The following RAB14 variants were observed in gnomAD, a reference collection of about 807,000 sequenced individuals.
RAB14 encodes the protein ras-related protein Rab-14.
A neutral mutation model predicts 31.1 loss-of-function variants in RAB14; 3 were observed. The observed-to-expected ratio is 0.10, with a 90% CI of 0.04 to 0.25. The LOEUF is 0.25. Among genes scored for constraint, RAB14 ranks in the 10% least tolerant of loss-of-function variants. RAB14 has a pLI of 1.00. For missense variants in RAB14, 111 were observed against 260.1 expected (o/e 0.43, Z 3.94); for synonymous variants, 85 against 84.9 (o/e 1.00, Z 0.00).
chr9:121,181,382 C>T lies in RAB14; in HGVS notation c.*14G>A, dbSNP rs2053632092. 1 of 1,572,794 alleles carries T rather than the reference C, an allele frequency of 6.4e-7. No homozygotes were observed. Among genetic ancestry groups the T allele is most frequent in the African/African-American group, 1.3e-5 (1 of 74,212 alleles). ...AGGTGAAAGGTCAAATGAGGGGCCA[C>T]AGCAAAGAGGTCACTAGCAGCCACA... On this transcript the variant is annotated 3_prime_UTR_variant, in exon 8 of 8. Transcript: ENST00000373840.
At chr9:121,187,639 C>A (rs2053665072) in intron 4 of RAB14, among the ~76,000 whole-genome samples, 1 of 152,034 alleles carries the variant, frequency 6.6e-6, no homozygotes, top group Non-Finnish European at 1.5e-5. Flanking sequence ...TCTTATCTAT[C>A]AGGCAGCTAA....
At chr9:121,196,942 CCATG>C (rs1332000989) in intron 1 of RAB14, among the ~76,000 whole-genome samples, 1 of 151,994 alleles carries the variant, frequency 6.6e-6, no homozygotes, top group Non-Finnish European at 1.5e-5. Flanking sequence ...ATCATTATGT[CCATG>C]CAAAAAATTA....
At chr9:121,186,922 T>C in intron 5 of RAB14, 31 bp downstream of exon 5, 3 of 1,463,208 alleles carry the variant, frequency 2.1e-6, no homozygotes, top group Non-Finnish European at 2.7e-6. Context: ...GTTCTTAAAT[T>C]TTCTGTGTAA....
intron 6 of RAB14, among the ~76,000 whole-genome samples, 166 bp from the exon 7 acceptor site, chr9:121,183,126 CTAAA>C (rs746126345): frequency 2.0e-4 from 31 of 152,050 alleles, no homozygotes; most frequent in Non-Finnish European, 3.7e-4. Context: ...ATATTTGTCA[CTAAA>C]TAACTGTACT....
chr9:121,195,966 T>C (rs949500584), intron 1 of RAB14, among the ~76,000 whole-genome samples: 2 of 152,170 alleles, frequency 1.3e-5, no homozygotes, highest in African/African-American at 4.8e-5. Flanking sequence ...TAACAAAAGA[T>C]TTCTCAGTCT....
intron 7 of RAB14, 103 bp downstream of exon 7, chr9:121,182,827 T>C (rs1368027985): frequency 1.1e-5 from 9 of 784,182 alleles, no homozygotes; most frequent in South Asian, 5.9e-5. Flanking sequence ...CATTTATAGA[T>C]AGTACTTTAT....
chr9:121,179,794 C>T lies in RAB14; in HGVS notation c.*1602G>A, dbSNP rs1293072885. Reference sequence around the variant, plus strand: ...CATGTTTACAACCCAGAAAGATGTACTTTTATGTTAGTGTCTGTAAAGAGG... The same window carrying T: ...CATGTTTACAACCCAGAAAGATGTATTTTTATGTTAGTGTCTGTAAAGAGG... On this transcript the variant is annotated 3_prime_UTR_variant, in exon 8 of 8. Transcript: ENST00000373840. 1 of 152,590 alleles carries T rather than the reference C, an allele frequency of 6.6e-6. No homozygotes were observed. Among genetic ancestry groups the T allele is most frequent in the Non-Finnish European group, 1.5e-5 (1 of 68,038 alleles). The allele number at this position is 152,590 out of a possible 1,614,324, so 9.5% of individuals were successfully genotyped here. A position where few individuals can be genotyped will look rare whatever the true frequency, so the allele number is the denominator to read the frequency against.
intron 5 of RAB14, among the ~76,000 whole-genome samples, chr9:121,183,730 A>G (rs892923306): frequency 6.6e-6 from 1 of 152,146 alleles, no homozygotes; most frequent in Admixed American, 6.5e-5. Context: ...AAATTTAAAA[A>G]TCATCCTTAG....
intron 1 of RAB14, among the ~76,000 whole-genome samples, chr9:121,193,781 A>G (rs2053699164): frequency 1.3e-5 from 2 of 152,166 alleles, no homozygotes; most frequent in Admixed American, 6.5e-5. Flanking sequence ...AAACATCACT[A>G]TAGTCTCTTC....
intron 4 of RAB14, among the ~76,000 whole-genome samples, chr9:121,189,766 T>C (rs1180201359): frequency 1.3e-5 from 2 of 152,110 alleles, no homozygotes; most frequent in South Asian, 2.1e-4. Context: ...CTTTAAACTC[T>C]AATTATCACT....
At chr9:121,182,086 ACT>A (rs2053636764) in intron 7 of RAB14, among the ~76,000 whole-genome samples, 3 of 152,190 alleles carry the variant, frequency 2.0e-5, no homozygotes, top group Non-Finnish European at 4.4e-5. Context: ...ACATACGTGT[ACT>A]GAAAGCCCTT....
intron 7 of RAB14, among the ~76,000 whole-genome samples, chr9:121,181,910 G>T (rs2132021227): frequency 6.6e-6 from 1 of 151,890 alleles, no homozygotes; most frequent in Non-Finnish European, 1.5e-5. Flanking sequence ...ACCACGCCCA[G>T]CTAATTTTTG....
Position 121,179,142 on chromosome 9 carries a change from A to G in RAB14, c.*2254T>C, listed in dbSNP as rs1564317260. 6.6e-6 allele frequency: 1 copy of G among 152,240 alleles called. No individual in the cohort carries two copies. Among genetic ancestry groups the G allele is most frequent in the African/African-American group, 2.4e-5 (1 of 41,472 alleles). The allele number at this position is 152,240 out of a possible 1,614,324, so 9.4% of individuals were successfully genotyped here. On this transcript the variant is annotated 3_prime_UTR_variant, in exon 8 of 8. Coordinates refer to ENST00000373840, the MANE Select transcript of RAB14 (RefSeq NM_016322.4). ...AACACAAGAATAAAGCTGTGGGTCT[A>G]TTACTTAGTGATGTGGTTTTATATG...
At chr9:121,201,335 G>A (rs1379182876) in intron 1 of RAB14, among the ~76,000 whole-genome samples, 1 of 152,112 alleles carries the variant, frequency 6.6e-6, no homozygotes, top group Non-Finnish European at 1.5e-5. Context: ...CGCCGAGAAG[G>A]CGGGGAAGGC....
At chr9:121,186,898 T>G in intron 5 of RAB14, 55 bp downstream of exon 5, 1 of 1,281,970 alleles carries the variant, frequency 7.8e-7, no homozygotes, top group Non-Finnish European at 1.1e-6. Context: ...GGCTTCCCTT[T>G]TTGGGTTAGC....
intron 4 of RAB14, 89 bp downstream of exon 4, chr9:121,190,465 C>T (rs1310800439): frequency 8.9e-6 from 11 of 1,238,760 alleles, no homozygotes; most frequent in African/African-American, 3.1e-5. Flanking sequence ...CATACAATTA[C>T]AAACTAAAAA....
rs2053622544 is a variant in RAB14 at position 121,179,667 on chromosome 9, C to G, written c.*1729G>C. 6.6e-6 allele frequency: 1 copy of G among 152,566 alleles called. No individual in the cohort carries two copies. The highest frequency in any genetic ancestry group is 6.5e-5 in the Admixed American group (1 of 15,276). 9.5% of individuals were successfully genotyped at this position (152,566 alleles called of 1,614,324 possible). ...TATTTTTTAAAAAGTTAAACAAAGA[C>G]AAAAATAAAAATGAATCCACAAATT... is the stretch of plus-strand genomic sequence containing the variant. On this transcript the variant is annotated 3_prime_UTR_variant, in exon 8 of 8. Coordinates refer to ENST00000373840, the MANE Select transcript of RAB14 (RefSeq NM_016322.4).
intron 3 of RAB14, among the ~76,000 whole-genome samples, chr9:121,191,645 C>A (rs16910410): frequency 0.12 from 17,717 of 152,174 alleles, 1,201 homozygotes; most frequent in East Asian, 0.18. Flanking sequence ...CTTCTGGGCA[C>A]TTCATAAAAT....
At chr9:121,191,640 G>C (rs2053687408) in intron 3 of RAB14, among the ~76,000 whole-genome samples, 1 of 152,108 alleles carries the variant, frequency 6.6e-6, no homozygotes, top group Non-Finnish European at 1.5e-5. Flanking sequence ...ACAGACTTCT[G>C]GGCACTTCAT....
Sources: allele counts gnomAD v4.1 joint callset (sites outside exome capture counted in the v4.1 genomes callset), GRCh38; gene constraint gnomAD v4.1.1; transcripts MANE v1.5; gene names NCBI Gene and HGNC (gene_info 2026-07-23, HGNC 2026-07-21).